Variants in CNTN5 observed in about 807,000 individuals in gnomAD.
CNTN5 encodes contactin-5.
CNTN5 carries 77 observed loss-of-function variants against 129.1 expected under a neutral mutation model. The ratio of observed to expected loss-of-function variants is 0.60; its 90% CI spans 0.50 to 0.72. The LOEUF (loss-of-function observed/expected upper bound fraction) is 0.72. Among genes scored for constraint, CNTN5 ranks in the 30% least tolerant of loss-of-function variants. The probability of loss-of-function intolerance (pLI) is 0.00; values close to 1 mark genes in which losing one functional copy is unlikely to be tolerated. For missense variants in CNTN5, 1,478 were observed against 1,328.8 expected (o/e 1.11, Z -1.75); for synonymous variants, 509 against 465.6 (o/e 1.09, Z -1.20).
intron 2 of CNTN5, among the ~76,000 whole-genome samples, chr11:99,464,672 C>A (rs1944864729): frequency 6.6e-6 from 1 of 152,058 alleles, no homozygotes; most frequent in African/African-American, 2.4e-5. Flanking sequence ...TATTGGGAAC[C>A]TACAGATTCA....
intron 6 of CNTN5, among the ~76,000 whole-genome samples, chr11:99,906,735 G>T (rs563063405): frequency 4.7e-4 from 71 of 152,168 alleles, no homozygotes; most frequent in Non-Finnish European, 7.1e-4. Context: ...GCTCCTCTTT[G>T]TACCACTGGT....
At position 99,235,526 on chromosome 11, in the gene CNTN5, A is replaced by G. The variant is rs200376096; in HGVS notation, c.-209-89820A>G. Among the ~76,000 whole-genome samples the G allele has an allele frequency of 1.3e-4, 20 of 152,284 alleles. No individual in the cohort carries two copies. In the East Asian group the frequency reaches 3.7e-3, roughly 28 times the overall value. Reference sequence around the variant, plus strand: ...TTCAAGTATTTTTGAATTATTTTACAGATGGCTCTGTAATCATAGTGAAAA... The same window carrying G: ...TTCAAGTATTTTTGAATTATTTTACGGATGGCTCTGTAATCATAGTGAAAA... On this transcript the variant is annotated intron_variant, in intron 1 of 24. Coordinates refer to ENST00000524871, the MANE Select transcript of CNTN5 (RefSeq NM_014361.4).
intron 1 of CNTN5, among the ~76,000 whole-genome samples, chr11:99,208,246 A>G (rs2135659234): frequency 6.6e-6 from 1 of 152,310 alleles, no homozygotes; most frequent in African/African-American, 2.4e-5. Context: ...TAATCCAATG[A>G]GTTTAATGGT....
At chr11:99,574,042 C>CTA (rs1317208944) in intron 3 of CNTN5, among the ~76,000 whole-genome samples, 1 of 152,120 alleles carries the variant, frequency 6.6e-6, no homozygotes, top group Non-Finnish European at 1.5e-5. Context: ...TCTCCTAATG[C>CTA]TATCACTCCC....
chr11:99,869,746 A>T (rs1948453947), intron 6 of CNTN5, among the ~76,000 whole-genome samples: 1 of 152,190 alleles, frequency 6.6e-6, no homozygotes, highest in African/African-American at 2.4e-5. Flanking sequence ...TTACTGTATG[A>T]CATGTTGCTT....
At chr11:99,656,945 GA>G (rs71050013) in intron 3 of CNTN5, among the ~76,000 whole-genome samples, 102,805 of 148,568 alleles carry the variant, frequency 0.69, 35,805 homozygotes, top group Admixed American at 0.79. Flanking sequence ...CAGACATTTT[GA>G]AAAAAAAAAA....
At position 99,754,018 on chromosome 11, in the gene CNTN5, A is replaced by C. The variant is rs1390556656; in HGVS notation, c.56-65526A>C. On this transcript the variant is annotated intron_variant, in intron 3 of 24. Coordinates refer to ENST00000524871, the MANE Select transcript of CNTN5 (RefSeq NM_014361.4). Reference sequence around the variant, plus strand: ...AAAAAAATAAATAACAACAACAAAAAAACAAAAAAACACCTTCTGATACAA... The same window carrying C: ...AAAAAAATAAATAACAACAACAAAACAACAAAAAAACACCTTCTGATACAA... Among the ~76,000 whole-genome samples, 4 of 152,032 alleles carry C rather than the reference A, an allele frequency of 2.6e-5. No homozygotes were observed. In the South Asian group the frequency reaches 8.3e-4, roughly 32 times the overall value.
intron 2 of CNTN5, among the ~76,000 whole-genome samples, chr11:99,379,904 T>C (rs1437676665): frequency 1.3e-5 from 2 of 151,988 alleles, no homozygotes; most frequent in East Asian, 1.9e-4. Flanking sequence ...CATATAAAGG[T>C]TTAAATACAC....
intron 2 of CNTN5, among the ~76,000 whole-genome samples, chr11:99,388,297 C>T (rs938584679): frequency 6.6e-6 from 1 of 151,520 alleles, no homozygotes; most frequent in African/African-American, 2.4e-5. Context: ...CACCTGTAAT[C>T]CCAGCTACTT....
At chr11:100,136,039 C>T (rs1396645835) in intron 13 of CNTN5, among the ~76,000 whole-genome samples, 1 of 152,064 alleles carries the variant, frequency 6.6e-6, no homozygotes, top group African/African-American at 2.4e-5. Flanking sequence ...AAAAATGATA[C>T]TCTCAATCTA....
chr11:99,738,538 TAGAA>T (rs1021112276), intron 3 of CNTN5, among the ~76,000 whole-genome samples: 1 of 151,284 alleles, frequency 6.6e-6, no homozygotes, highest in Non-Finnish European at 1.5e-5. Context: ...GAAGAAATAA[TAGAA>T]GGAAAGTGCT....
chr11:99,741,062 G>A (rs529191779), intron 3 of CNTN5, among the ~76,000 whole-genome samples: 14 of 152,052 alleles, frequency 9.2e-5, no homozygotes, highest in African/African-American at 3.4e-4. Context: ...TTTGTCTTTG[G>A]AATTCTGATT....
chr11:99,485,416 A>T (rs1457887101), intron 2 of CNTN5, among the ~76,000 whole-genome samples: 1 of 152,092 alleles, frequency 6.6e-6, no homozygotes, highest in Non-Finnish European at 1.5e-5. Flanking sequence ...AGTGAACTGT[A>T]ATGTAAATAA....
In CNTN5 at chr11:100,308,434, T is replaced by A; in HGVS notation, c.2696T>A (p.Ile899Asn). ...GAGATTCTTGTTGCATGGAAACACATTAAAGAGAGTCTAGGAAGACCACAG... is the reference window on the plus strand; with the variant it reads ...GAGATTCTTGTTGCATGGAAACACAATAAAGAGAGTCTAGGAAGACCACAG... ...VSEILVAWKH[I>N]KESLGRPQGF... is the part of the protein sequence containing the mutation. The change falls in exon 21 of 25, where the codon ATT (isoleucine) becomes AAT (asparagine). Residue 899 changes from isoleucine (I) to asparagine (N), a missense_variant. Physicochemically the swap from Ile to Asn is moderately radical, Grantham distance 149. Transcript: ENST00000524871. The A allele has an allele frequency of 1.9e-6, 3 of 1,610,738 alleles. No individual in the cohort carries two copies. Among genetic ancestry groups the A allele is most frequent in the Non-Finnish European group, 2.5e-6 (3 of 1,177,754 alleles).
intron 8 of CNTN5, among the ~76,000 whole-genome samples, chr11:99,998,331 A>G (rs1427187295): frequency 6.6e-6 from 1 of 150,718 alleles, no homozygotes; most frequent in African/African-American, 2.4e-5. Flanking sequence ...ATCAATGTAC[A>G]AAAATCACAA....
intron 2 of CNTN5, among the ~76,000 whole-genome samples, chr11:99,391,503 G>T (rs1166319566): frequency 6.6e-6 from 1 of 152,038 alleles, no homozygotes; most frequent in Admixed American, 6.6e-5. Flanking sequence ...TCACATATGT[G>T]GACACACAAG....
intron 1 of CNTN5, among the ~76,000 whole-genome samples, chr11:99,212,104 C>T (rs1859831417): frequency 6.6e-6 from 1 of 152,148 alleles, no homozygotes; most frequent in Admixed American, 6.5e-5. Context: ...CATTTGTTTT[C>T]TCACAGGGTA....
At chr11:99,758,194 C>T (rs889039114) in intron 3 of CNTN5, among the ~76,000 whole-genome samples, 1 of 152,040 alleles carries the variant, frequency 6.6e-6, no homozygotes, top group Non-Finnish European at 1.5e-5. Context: ...ACCTTAATGA[C>T]AACATTGTGG....
chr11:100,323,486 T>C (rs1355275150), intron 21 of CNTN5, among the ~76,000 whole-genome samples: 2 of 152,228 alleles, frequency 1.3e-5, no homozygotes, highest in Non-Finnish European at 2.9e-5. Context: ...CTCTAGCTTC[T>C]GTCTGCTTTT....
Sources: allele counts gnomAD v4.1 joint callset (sites outside exome capture counted in the v4.1 genomes callset), GRCh38; gene constraint gnomAD v4.1.1; transcripts MANE v1.5; gene names NCBI Gene and HGNC (gene_info 2026-07-23, HGNC 2026-07-21).